NSMAF: variants seen among roughly 807,000 people sequenced by gnomAD.
NSMAF encodes neutral sphingomyelinase activation associated factor.
A neutral mutation model predicts 134.9 loss-of-function variants in NSMAF; 90 were observed. That is an observed-to-expected ratio of 0.67 (90% CI 0.56 to 0.79). The LOEUF is 0.79. Among genes scored for constraint, NSMAF ranks in the 30% least tolerant of loss-of-function variants. The pLI is 0.00. For synonymous variants in NSMAF, 358 were observed against 389.6 expected (o/e 0.92, Z 0.96); for missense variants, 1,010 against 1,119.0 (o/e 0.90, Z 1.39).
Position 58,590,854 on chromosome 8 carries a change from A to G in NSMAF, c.2019+13T>C. On this transcript the variant is annotated intron_variant, in intron 24 of 30. Transcript: ENST00000038176. ...CACGGATTTCTATCATAATACTATT[A>G]AAATGAACTCACCATATTTGAAAAT... 1 of 1,552,426 alleles carries G rather than the reference A, an allele frequency of 6.4e-7. No individual in the cohort carries two copies. Among genetic ancestry groups the G allele is most frequent in the Non-Finnish European group, 8.8e-7 (1 of 1,132,696 alleles).
In NSMAF at chr8:58,623,112, G is replaced by A. The variant is rs2129144329; in HGVS notation, c.557+108C>T. ...GCTGAGCCATTCTCTAAGACAAGCA[G>A]GTTTTGGGTGAGACCAATGATGACA... On this transcript the variant is annotated intron_variant, in intron 9 of 30. Transcript: ENST00000038176. The A allele has an allele frequency of 2.4e-6, 2 of 822,482 alleles. 1 individual carries two copies. The highest frequency in any genetic ancestry group is 3.1e-5 in the South Asian group (2 of 64,424). 50.9% of individuals were successfully genotyped at this position (822,482 alleles called of 1,614,324 possible).
intron 6 of NSMAF, among the ~76,000 whole-genome samples, chr8:58,630,032 A>G (rs1242394632): frequency 2.0e-5 from 3 of 152,158 alleles, no homozygotes; most frequent in Non-Finnish European, 4.4e-5. Context: ...GTATAGTCCA[A>G]TTTTCTCTTT....
At chr8:58,590,592 C>T (rs1210800631) in intron 24 of NSMAF, among the ~76,000 whole-genome samples, 1 of 152,120 alleles carries the variant, frequency 6.6e-6, no homozygotes, top group Non-Finnish European at 1.5e-5. Flanking sequence ...TTTAGTCTGA[C>T]AGCTAAAAAA....
intron 1 of NSMAF, among the ~76,000 whole-genome samples, chr8:58,650,619 C>T (rs1418310873): frequency 6.6e-6 from 1 of 152,026 alleles, no homozygotes; most frequent in East Asian, 1.9e-4. Context: ...TTTTTTGTTC[C>T]TTGGAACTTT....
intron 2 of NSMAF, chr8:58,639,947 A>G: frequency 2.7e-6 from 1 of 367,820 alleles, no homozygotes; most frequent in Non-Finnish European, 5.4e-6. Flanking sequence ...AATTCAAAGA[A>G]GAGACAAGAA....
chr8:58,628,112 G>A lies in NSMAF; in HGVS notation c.384+3384C>T, dbSNP rs555955588. ...TTATAGCCAACTGATCTTTGACAAA[G>A]CATACAAAAACATACAGTGGGGAAA... On this transcript the variant is annotated intron_variant, in intron 6 of 30. Transcript: ENST00000038176. Among the ~76,000 whole-genome samples, 3 of 152,210 alleles carry A rather than the reference G, an allele frequency of 2.0e-5. No homozygotes were observed. The South Asian group carries it at 6.2e-4, about 32-fold the overall frequency.
Position 58,623,362 on chromosome 8 carries a change from G to T in NSMAF, c.504+15C>A. On this transcript the variant is annotated intron_variant, in intron 8 of 30. Transcript: ENST00000038176. The stretch of plus-strand genomic sequence containing the variant: ...TAATTGACAATCAAAGACAGACATT[G>T]TTAAGAATACTTACCATGGCGGTTT... 6.2e-7 allele frequency: 1 copy of T among 1,613,178 alleles called. No individual in the cohort carries two copies. Among genetic ancestry groups the T allele is most frequent in the Non-Finnish European group, 8.5e-7 (1 of 1,179,282 alleles).
At chr8:58,613,817 G>GT (rs1347199625) in intron 9 of NSMAF, among the ~76,000 whole-genome samples, 1 of 152,130 alleles carries the variant, frequency 6.6e-6, no homozygotes. Flanking sequence ...TTGAATGTTT[G>GT]TATCATATCG....
chr8:58,611,967 T>A (rs780973712), intron 9 of NSMAF, among the ~76,000 whole-genome samples: 9 of 152,234 alleles, frequency 5.9e-5, no homozygotes, highest in Non-Finnish European at 1.2e-4. Flanking sequence ...ATTTGGTCTC[T>A]GCTCCCAGTT....
chr8:58,655,682 C>T (rs532914449), intron 1 of NSMAF, among the ~76,000 whole-genome samples: 9 of 152,034 alleles, frequency 5.9e-5, no homozygotes, highest in African/African-American at 1.4e-4. Flanking sequence ...CCGAGGCGGG[C>T]GGATCACGAG....
rs780139592 is a variant in NSMAF, at chr8:58,631,563, A to C, written c.334-17T>G. On this transcript the variant is annotated splice_polypyrimidine_tract_variant and intron_variant, in intron 5 of 30. Transcript: ENST00000038176. ...GAAATATACCTGAGCAAGAAAAAGCAATACTTGTAAAATAATAACCAAAAT... is the reference window on the plus strand; with the variant it reads ...GAAATATACCTGAGCAAGAAAAAGCCATACTTGTAAAATAATAACCAAAAT... The C allele has an allele frequency of 2.2e-6, 3 of 1,384,498 alleles. No homozygotes were observed. Among genetic ancestry groups the C allele is most frequent in the African/African-American group, 3.0e-5 (2 of 67,712 alleles). 85.8% of individuals were successfully genotyped at this position (1,384,498 alleles called of 1,614,324 possible).
At position 58,597,430 on chromosome 8, in the gene NSMAF, CA is replaced by C. The variant is rs1806162384; in HGVS notation, c.1748del (p.Leu583CysfsTer23). The C allele has an allele frequency of 6.2e-7, 1 of 1,614,158 alleles. No individual in the cohort carries two copies. The highest frequency in any genetic ancestry group is 8.5e-7 in the Non-Finnish European group (1 of 1,180,008). On this transcript the variant is annotated frameshift_variant, in exon 21 of 31. Coordinates refer to ENST00000038176, the MANE Select transcript of NSMAF (RefSeq NM_003580.4). LOFTEE classifies it high-confidence loss of function. ...PRRITPKFKSLSQTSSYNASM... is the reference protein window; with the variant it reads ...PRRITPKFKSXSQTSSYNASM... The stretch of plus-strand genomic sequence containing the variant: ...AAGCATTATAACTGGAGGTCTGGGA[CA>C]AACTTTTAAACTTTGGGGTGATCCT...
intron 1 of NSMAF, among the ~76,000 whole-genome samples, chr8:58,655,209 C>T (rs754481955): frequency 2.6e-5 from 4 of 151,988 alleles, no homozygotes; most frequent in Non-Finnish European, 5.9e-5. Flanking sequence ...TGAGTTCAAA[C>T]GATCTTTGTG....
rs751671230 is a variant in NSMAF, at chr8:58,642,338, C to T, written c.149+646G>A. Among the ~76,000 whole-genome samples the T allele has an allele frequency of 6.7e-4, 102 of 152,104 alleles. 1 individual carries two copies. Among genetic ancestry groups the T allele is most frequent in the Non-Finnish European group, 1.4e-3 (94 of 68,002 alleles). On this transcript the variant is annotated intron_variant, in intron 2 of 30. Coordinates refer to ENST00000038176, the MANE Select transcript of NSMAF (RefSeq NM_003580.4). ...TTTCATCTTAGTTAATTCTAAGTTG[C>T]CATTTTAAGCAAACAAAAAGCTTCA...
chr8:58,633,787 A>G (rs530980031), intron 5 of NSMAF, among the ~76,000 whole-genome samples: 1 of 152,150 alleles, frequency 6.6e-6, no homozygotes, highest in African/African-American at 2.4e-5. Context: ...TATTCAAAAA[A>G]CCCAAAAGTT....
intron 9 of NSMAF, among the ~76,000 whole-genome samples, chr8:58,620,410 C>T (rs149032828): frequency 1.4e-4 from 22 of 152,272 alleles, no homozygotes; most frequent in Admixed American, 3.3e-4. Flanking sequence ...GCATCATCAA[C>T]GACTAGTAGT....
intron 12 of NSMAF, among the ~76,000 whole-genome samples, chr8:58,604,557 A>AATATATAT (rs10656601): frequency 1.4e-5 from 2 of 146,714 alleles, no homozygotes; most frequent in Non-Finnish European, 3.0e-5. Flanking sequence ...AGATATATAT[A>AATATATAT]ATATATATAT....
intron 1 of NSMAF, among the ~76,000 whole-genome samples, chr8:58,647,579 T>C (rs949257067): frequency 2.0e-5 from 3 of 151,588 alleles, no homozygotes; most frequent in African/African-American, 7.3e-5. Context: ...ATCCCCTTGG[T>C]GATAAATGAG....
intron 5 of NSMAF, among the ~76,000 whole-genome samples, chr8:58,634,957 G>A (rs1342299185): frequency 1.3e-5 from 2 of 152,144 alleles, no homozygotes; most frequent in African/African-American, 4.8e-5. Context: ...CATAAATCGT[G>A]AGAGCTCCAA....
Sources: gnomAD v4.1 joint callset for allele counts (sites outside exome capture counted in the v4.1 genomes callset) on GRCh38, gnomAD v4.1.1 for gene constraint, MANE v1.5 for transcripts, NCBI Gene and HGNC (gene_info 2026-07-23, HGNC 2026-07-21) for gene names.